CPEB3: variants seen among roughly 807,000 people sequenced by gnomAD.
The protein encoded by CPEB3 is cytoplasmic polyadenylation element binding protein 3.
In CPEB3, 20 loss-of-function variants were observed where a neutral mutation model predicts 67.2. That is an observed-to-expected ratio of 0.30 (90% CI 0.21 to 0.43). The LOEUF is 0.43. Among genes scored for constraint, CPEB3 ranks in the 20% least tolerant of loss-of-function variants. The pLI is 1.00. For synonymous variants in CPEB3, 376 were observed against 393.1 expected, an observed-to-expected ratio of 0.96 and a Z score of 0.51; for missense variants, 746 against 968.6, an observed-to-expected ratio of 0.77 and a Z score of 3.05.
At chr10:92,066,167 T>C (rs1590062436) in intron 9 of CPEB3, among the ~76,000 whole-genome samples, 1 of 151,912 alleles carries the variant, frequency 6.6e-6, no homozygotes, top group Non-Finnish European at 1.5e-5. Flanking sequence ...CAGAGATCAG[T>C]AATAATGTAT....
chr10:92,280,555 C>G (rs560037697), intron 1 of CPEB3, among the ~76,000 whole-genome samples: 1 of 148,780 alleles, frequency 6.7e-6, no homozygotes, highest in Admixed American at 6.7e-5. Flanking sequence ...ACCCTCGTCT[C>G]TACAAAAAGT....
chr10:92,171,427 C>A lies in CPEB3; in HGVS notation c.1222+9536G>T, dbSNP rs935161068. 1.1e-4 allele frequency among the ~76,000 whole-genome samples: 16 copies of A among 152,110 alleles called. 1 individual carries two copies. The highest frequency in any genetic ancestry group is 3.3e-4 in the Admixed American group (5 of 15,266). Reference sequence around the variant, plus strand: ...TTTTGGTCCTTTCCGTATCCCTTGCCCACCCTCCACCCCCAACCAGATTTC... The same window carrying A: ...TTTTGGTCCTTTCCGTATCCCTTGCACACCCTCCACCCCCAACCAGATTTC... On this transcript the variant is annotated intron_variant, in intron 4 of 9. Transcript: ENST00000265997.
intron 6 of CPEB3, among the ~76,000 whole-genome samples, chr10:92,121,997 T>C (rs1845412218): frequency 6.6e-6 from 1 of 152,152 alleles, no homozygotes; most frequent in Non-Finnish European, 1.5e-5. Flanking sequence ...GAGACTTTTT[T>C]TGGATTCAAT....
At chr10:92,065,319 C>T (rs770588344) in intron 9 of CPEB3, among the ~76,000 whole-genome samples, 1 of 152,192 alleles carries the variant, frequency 6.6e-6, no homozygotes, top group Non-Finnish European at 1.5e-5. Flanking sequence ...CTCCTGGATT[C>T]AAGTGATTCT....
chr10:92,224,970 C>T (rs1300760638), intron 2 of CPEB3, among the ~76,000 whole-genome samples: 2 of 147,714 alleles, frequency 1.4e-5, no homozygotes, highest in South Asian at 4.2e-4. Flanking sequence ...ACCCCATTTT[C>T]TTTCTTTTTT....
rs182792400 is a variant in CPEB3, at chr10:92,219,381, C to T, written c.1005+19965G>A. On this transcript the variant is annotated intron_variant, in intron 2 of 9. Transcript: ENST00000265997. Reference sequence around the variant, plus strand: ...TCCTTTGATGTCTCAGTATTCAATACATTCTCTATTATTTATGTCCCACTA... The same window carrying T: ...TCCTTTGATGTCTCAGTATTCAATATATTCTCTATTATTTATGTCCCACTA... Among the ~76,000 whole-genome samples the T allele has an allele frequency of 5.7e-4, 87 of 152,290 alleles. 1 individual carries two copies. Among genetic ancestry groups the T allele is most frequent in the Admixed American group, 1.6e-3 (24 of 15,286 alleles).
At chr10:92,118,004 A>T (rs1423376838) in intron 6 of CPEB3, among the ~76,000 whole-genome samples, 1 of 152,266 alleles carries the variant, frequency 6.6e-6, no homozygotes, top group African/African-American at 2.4e-5. Context: ...ATTAAACCAG[A>T]TCAGTTTCCA....
rs762008054 is a variant in CPEB3, at chr10:92,111,116, A to G, written c.1532T>C (p.Leu511Pro). 6.2e-7 allele frequency: 1 copy of G among 1,614,114 alleles called. No homozygotes were observed. Among genetic ancestry groups the G allele is most frequent in the Non-Finnish European group, 8.5e-7 (1 of 1,179,954 alleles). ...GGTGGGGCTTGACACACACAGGTAG[A>G]GTTTCCCATCTTCTTCTAGGCAGGC... ...IDACLEEDGK[L>P]YLCVSSPTIK... The change falls in exon 7 of 10, where the codon CTC becomes CCC. Residue 511 changes from leucine to proline, a missense_variant. This residue lies in a region of CPEB3 where 643 missense variants were observed against 717.5 expected (regional missense o/e 0.90). Transcript: ENST00000265997.
chr10:92,278,546 C>A (rs1017965224), intron 1 of CPEB3, among the ~76,000 whole-genome samples: 1 of 151,598 alleles, frequency 6.6e-6, no homozygotes. Context: ...AAACACAATA[C>A]CTTTTTGCAC....
At chr10:92,102,795 G>A (rs1478345418) in intron 7 of CPEB3, among the ~76,000 whole-genome samples, 1 of 152,112 alleles carries the variant, frequency 6.6e-6, no homozygotes, top group South Asian at 2.1e-4. Context: ...TCTGCCCTTT[G>A]AGCGCTCTCC....
At chr10:92,176,223 G>C (rs1365034791) in intron 4 of CPEB3, among the ~76,000 whole-genome samples, 1 of 152,204 alleles carries the variant, frequency 6.6e-6, no homozygotes, top group African/African-American at 2.4e-5. Flanking sequence ...AAGAAAGAAA[G>C]ATCTTTAAAG....
chr10:92,157,312 A>G (rs960649917), intron 4 of CPEB3, among the ~76,000 whole-genome samples: 2 of 152,164 alleles, frequency 1.3e-5, no homozygotes, highest in South Asian at 2.1e-4. Context: ...AGTGATTACA[A>G]CCTACGTGTC....
chr10:92,174,477 G>A (rs1327361779), intron 4 of CPEB3, among the ~76,000 whole-genome samples: 1 of 152,188 alleles, frequency 6.6e-6, no homozygotes, highest in Non-Finnish European at 1.5e-5. Context: ...TATCAGCTAT[G>A]TATACATTGT....
At position 92,111,061 on chromosome 10, in the gene CPEB3, C is replaced by T. The variant is rs1226305900; in HGVS notation, c.1572+15G>A. On this transcript the variant is annotated intron_variant, in intron 7 of 9. Transcript: ENST00000265997. ...TGTGCTCTGGAAAAGCAACAGCTGG[C>T]CATGTATTACTTACTGGCTTGTCCT... The T allele has an allele frequency of 6.5e-7, 1 of 1,533,156 alleles. No individual in the cohort carries two copies. The highest frequency in any genetic ancestry group is 9.0e-7 in the Non-Finnish European group (1 of 1,106,112). 95.0% of individuals were successfully genotyped at this position (1,533,156 alleles called of 1,614,324 possible). A position where few individuals can be genotyped will look rare whatever the true frequency, so the allele number is the denominator to read the frequency against.
chr10:92,287,556 T>C (rs1016005632), intron 1 of CPEB3, among the ~76,000 whole-genome samples: 1 of 152,198 alleles, frequency 6.6e-6, no homozygotes, highest in Non-Finnish European at 1.5e-5. Flanking sequence ...CCCATACTAA[T>C]AAGAAACAAA....
chr10:92,287,120 C>A (rs1191139832), intron 1 of CPEB3, among the ~76,000 whole-genome samples: 1 of 150,590 alleles, frequency 6.6e-6, no homozygotes, highest in Non-Finnish European at 1.5e-5. Flanking sequence ...GGCTGAATAT[C>A]ATTTATCATA....
At position 92,287,639 on chromosome 10, in the gene CPEB3, G is replaced by C. The variant is rs138066209; in HGVS notation, c.-12+3287C>G. On this transcript the variant is annotated intron_variant, in intron 1 of 9. Coordinates refer to ENST00000265997, the MANE Select transcript of CPEB3 (RefSeq NM_014912.5). ...GATACCCTTATGAACATTTTCTGTG[G>C]AGCTAATTACTCTTTTAAAAGCTTT... Among the ~76,000 whole-genome samples, 274 of 152,086 alleles carry C rather than the reference G, an allele frequency of 1.8e-3. 1 individual carries two copies. Among genetic ancestry groups the C allele is most frequent in the African/African-American group, 6.4e-3 (266 of 41,486 alleles).
At chr10:92,283,440 A>G (rs1842386538) in intron 1 of CPEB3, among the ~76,000 whole-genome samples, 1 of 152,198 alleles carries the variant, frequency 6.6e-6, no homozygotes, top group Non-Finnish European at 1.5e-5. Context: ...GCTGGAGATG[A>G]AGAATCTGAC....
At chr10:92,129,754 C>T (rs1017044403) in intron 6 of CPEB3, among the ~76,000 whole-genome samples, 1 of 152,110 alleles carries the variant, frequency 6.6e-6, no homozygotes, top group African/African-American at 2.4e-5. Flanking sequence ...TACCTCACAA[C>T]ATCCCTGTTG....
Sources: allele counts gnomAD v4.1 joint callset (sites outside exome capture counted in the v4.1 genomes callset), GRCh38; gene constraint gnomAD v4.1.1; regional missense constraint gnomAD v4.1.1; transcripts MANE v1.5; gene names NCBI Gene and HGNC (gene_info 2026-07-23, HGNC 2026-07-21).